The following BRAF variants were observed in gnomAD, a reference collection of about 807,000 sequenced individuals.
BRAF encodes the protein serine/threonine-protein kinase B-raf.
A neutral mutation model predicts 104.6 loss-of-function variants in BRAF; 16 were observed. The observed-to-expected ratio is 0.15, with a 90% CI of 0.10 to 0.23. The LOEUF is 0.23. Among genes scored for constraint, BRAF ranks in the 10% least tolerant of loss-of-function variants. The pLI is 1.00. For synonymous variants in BRAF, 310 were observed against 341.6 expected, an observed-to-expected ratio of 0.91 and a Z score of 1.02; for missense variants, 541 against 937.3, an observed-to-expected ratio of 0.58 and a Z score of 5.52.
intron 2 of BRAF, among the ~76,000 whole-genome samples, chr7:140,840,263 T>C (rs1450436833): frequency 6.6e-6 from 1 of 152,150 alleles, no homozygotes; most frequent in Non-Finnish European, 1.5e-5. Flanking sequence ...GAGTAAATCA[T>C]CCTGACCTTT....
chr7:140,871,106 G>A (rs1213117227), intron 1 of BRAF, among the ~76,000 whole-genome samples: 1 of 150,664 alleles, frequency 6.6e-6, no homozygotes, highest in Non-Finnish European at 1.5e-5. Context: ...GCTGGGCATG[G>A]TGACACGTGC....
At chr7:140,759,948 T>A (rs940991301) in intron 14 of BRAF, among the ~76,000 whole-genome samples, 1 of 152,206 alleles carries the variant, frequency 6.6e-6, no homozygotes, top group Non-Finnish European at 1.5e-5. Flanking sequence ...GACCACATTC[T>A]GAGCAGCAAG....
intron 3 of BRAF, among the ~76,000 whole-genome samples, chr7:140,819,697 T>C (rs563547245): frequency 3.3e-5 from 5 of 152,244 alleles, no homozygotes; most frequent in South Asian, 2.1e-4. Context: ...TGGATGGACT[T>C]TGAAAACATT....
intron 14 of BRAF, among the ~76,000 whole-genome samples, chr7:140,770,527 C>CAAAAAAAA (rs35621209): frequency 1.6e-5 from 1 of 63,584 alleles, no homozygotes; most frequent in Non-Finnish European, 3.8e-5. Context: ...TAAGGCCTGC[C>CAAAAAAAA]AAAAAAAAAA....
chr7:140,732,405 T>C (rs1290072295), intron 19 of BRAF: 3 of 151,916 alleles, frequency 2.0e-5, no homozygotes, highest in East Asian at 1.9e-4. Flanking sequence ...CAAGAACAAA[T>C]ACAATTAAAC....
At chr7:140,826,786 C>T (rs1176624798) in intron 3 of BRAF, among the ~76,000 whole-genome samples, 1 of 152,156 alleles carries the variant, frequency 6.6e-6, no homozygotes, top group African/African-American at 2.4e-5. Context: ...GGACATTCTC[C>T]TATATAATTA....
At chr7:140,871,043 C>T (rs1397665839) in intron 1 of BRAF, among the ~76,000 whole-genome samples, 8 of 151,312 alleles carry the variant, frequency 5.3e-5, no homozygotes, top group South Asian at 2.1e-4. Flanking sequence ...CTGGCTAACA[C>T]GGTGAAGCCC....
intron 1 of BRAF, among the ~76,000 whole-genome samples, chr7:140,896,023 G>A (rs1056741791): frequency 3.3e-5 from 5 of 152,110 alleles, no homozygotes; most frequent in Non-Finnish European, 7.4e-5. Context: ...GCGTCCAAGA[G>A]TTCTCTTTCC....
intron 1 of BRAF, among the ~76,000 whole-genome samples, chr7:140,897,830 A>T (rs2129125521): frequency 6.6e-6 from 1 of 152,176 alleles, no homozygotes; most frequent in South Asian, 2.1e-4. Flanking sequence ...ATCAAAATCA[A>T]AATCAAAATA....
chr7:140,717,633 CCT>C (rs1277986622), downstream of BRAF, among the ~76,000 whole-genome samples: 1 of 152,112 alleles, frequency 6.6e-6, no homozygotes, highest in Non-Finnish European at 1.5e-5. Flanking sequence ...TGTCACAGCC[CCT>C]GATAAAATTT....
intron 8 of BRAF, among the ~76,000 whole-genome samples, chr7:140,789,573 G>A (rs1801742144): frequency 6.6e-6 from 1 of 152,230 alleles, no homozygotes; most frequent in Non-Finnish European, 1.5e-5. Flanking sequence ...TCCTAGTGAT[G>A]TCATTAACTT....
At chr7:140,783,314 T>C (rs1162027786) in intron 10 of BRAF, 157 bp from the exon 10 acceptor site, 1 of 812,580 alleles carries the variant, frequency 1.2e-6, no homozygotes, top group Non-Finnish European at 1.9e-6. Context: ...AGGGGCCTCA[T>C]TTGGTGATTA....
At chr7:140,714,221 T>G in the BRAF span, among the ~76,000 whole-genome samples, 2 of 152,144 alleles carry the variant, frequency 1.3e-5, no homozygotes, top group East Asian at 3.8e-4. Flanking sequence ...CCATCTTGGC[T>G]CCTCCCCACA....
intron 14 of BRAF, among the ~76,000 whole-genome samples, chr7:140,776,697 TTTA>T (rs1800369281): frequency 6.6e-6 from 1 of 152,232 alleles, no homozygotes. Flanking sequence ...CAGTCATGTA[TTTA>T]TTATCAAATA....
chr7:140,739,861 A>G lies in BRAF; in HGVS notation c.2198T>C (p.Met733Thr), dbSNP rs766692331. 1 of 1,613,208 alleles carries G rather than the reference A, an allele frequency of 6.2e-7. No individual in the cohort carries two copies. Among genetic ancestry groups the G allele is most frequent in the African/African-American group, 1.3e-5 (1 of 74,910 alleles). ...SNCPKAMKRL[M>T]AECLKKKRDE... ...TCTTTTCTTTTTGAGGCACTCTGCCATTAATCTCTTCATGGCTTTTGGACA... is the reference window on the plus strand; with the variant it reads ...TCTTTTCTTTTTGAGGCACTCTGCCGTTAATCTCTTCATGGCTTTTGGACA... Residue 733 changes from methionine (M) to threonine (T), a missense_variant, in exon 18 of 20, where the codon ATG becomes ACG. This residue lies in a region of BRAF where 129 missense variants were observed against 285.8 expected (regional missense o/e 0.45). Coordinates refer to ENST00000644969, the MANE Select transcript of BRAF (RefSeq NM_001374258.1).
In BRAF at chr7:140,774,857, TTCTTC is replaced by T. The variant is rs1372772085; in HGVS notation, c.1814+2050_1814+2054del. Among the ~76,000 whole-genome samples, 4 of 152,214 alleles carry T rather than the reference TTCTTC, an allele frequency of 2.6e-5. No homozygotes were observed. The East Asian group carries it at 7.7e-4, about 29-fold the overall frequency. On this transcript the variant is annotated intron_variant, in intron 14 of 19. Coordinates refer to ENST00000644969, the MANE Select transcript of BRAF (RefSeq NM_001374258.1). ...GATGTGAGAAGGATTTGGCATCTCT[TTCTTC>T]TGAAAGGTAAATCTATCAATAATAT... is the stretch of plus-strand genomic sequence containing the variant.
rs10247753 is a variant in BRAF, at chr7:140,722,434, A to G, written c.*4060T>C. ...CTTTTTTATTGCATCATGAAGGCAC[A>G]GTAAGATCATTTGGCAAATTGTCAA... is the stretch of plus-strand genomic sequence containing the variant. On this transcript the variant is annotated 3_prime_UTR_variant, in exon 20 of 20. Transcript: ENST00000644969. 6.9e-3 allele frequency: 7,317 copies of G among 1,055,180 alleles called. 350 individuals carry two copies. In the African/African-American group the frequency reaches 0.1, roughly 15 times the overall value. The allele number at this position is 1,055,180 out of a possible 1,614,324, so 65.4% of individuals were successfully genotyped here. A position where few individuals can be genotyped will look rare whatever the true frequency, so the allele number is the denominator to read the frequency against.
At chr7:140,905,494 T>G (rs1029605765) in intron 1 of BRAF, among the ~76,000 whole-genome samples, 2 of 152,252 alleles carry the variant, frequency 1.3e-5, no homozygotes, top group African/African-American at 4.8e-5. Flanking sequence ...TTGTGATGAT[T>G]ACTTTTGATC....
intron 19 of BRAF, chr7:140,726,664 G>A: frequency 1.4e-6 from 1 of 709,056 alleles, no homozygotes; most frequent in Non-Finnish European, 2.4e-6. Context: ...AGCAAAAACG[G>A]CTGAAACCCA....
Sources: gnomAD v4.1 joint callset for allele counts (sites outside exome capture counted in the v4.1 genomes callset) on GRCh38, gnomAD v4.1.1 for gene constraint, gnomAD v4.1.1 regional missense constraint, MANE v1.5 for transcripts, NCBI Gene and HGNC (gene_info 2026-07-23, HGNC 2026-07-21) for gene names.